The following ADGRV1 variants were observed in gnomAD, a reference collection of about 807,000 sequenced individuals.
ADGRV1 encodes the protein adhesion G protein-coupled receptor V1, also known as G-protein coupled receptor 98.
ADGRV1 carries 359 observed loss-of-function variants against 596.2 expected under a neutral mutation model. The observed-to-expected ratio is 0.60, with a 90% CI of 0.55 to 0.66. The LOEUF is 0.66. Among genes scored for constraint, ADGRV1 ranks in the 30% least tolerant of loss-of-function variants. The pLI, the probability that ADGRV1 is intolerant of heterozygous loss-of-function variation, is 0.00. For missense variants in ADGRV1, 7,274 were observed against 7,575.6 expected, an observed-to-expected ratio of 0.96 and a Z score of 1.48; for synonymous variants, 2,681 against 2,679.2, an observed-to-expected ratio of 1.00 and a Z score of -0.02.
At chr5:91,143,234 C>T (rs908748493) in intron 87 of ADGRV1, among the ~76,000 whole-genome samples, 2 of 152,194 alleles carry the variant, frequency 1.3e-5, no homozygotes, top group Non-Finnish European at 2.9e-5. Context: ...GCTTGGGGCA[C>T]TCCTAGGTCT....
chr5:90,560,517 A>G (rs1754676632), intron 1 of ADGRV1, among the ~76,000 whole-genome samples: 1 of 152,222 alleles, frequency 6.6e-6, no homozygotes, highest in Admixed American at 6.5e-5. Context: ...CCAGAGTTCC[A>G]GTTTATAAGA....
intron 70 of ADGRV1, among the ~76,000 whole-genome samples, chr5:90,794,575 C>T (rs1760457855): frequency 6.6e-6 from 1 of 152,052 alleles, no homozygotes; most frequent in Admixed American, 6.5e-5. Context: ...TATGAACAGC[C>T]AGTTATAAGA....
At chr5:90,971,368 C>T (rs913136917) in intron 84 of ADGRV1, among the ~76,000 whole-genome samples, 43 of 152,138 alleles carry the variant, frequency 2.8e-4, no homozygotes, top group Admixed American at 1.6e-3. Flanking sequence ...AGATATTCCT[C>T]GAGAAAAGCA....
At chr5:90,719,879 C>A (rs1181544271) in intron 43 of ADGRV1, among the ~76,000 whole-genome samples, 169 bp from the exon 44 acceptor site, 1 of 152,140 alleles carries the variant, frequency 6.6e-6, no homozygotes, top group African/African-American at 2.4e-5. Context: ...AAAGTAGTAA[C>A]CTGAAACAGA....
intron 38 of ADGRV1, among the ~76,000 whole-genome samples, chr5:90,706,656 C>T (rs991322063): frequency 1.3e-5 from 2 of 151,138 alleles, no homozygotes; most frequent in African/African-American, 4.9e-5. Context: ...TTTAGTAAGA[C>T]ACTTCTAGTA....
Position 90,790,888 on chromosome 5 carries a change from A to C in ADGRV1, c.14059A>C (p.Ser4687Arg). 1.2e-6 allele frequency: 2 copies of C among 1,606,366 alleles called. No homozygotes were observed. The highest frequency in any genetic ancestry group is 1.7e-6 in the Non-Finnish European group (2 of 1,176,400). Reference protein sequence around the residue: ...FGEIMVYWELSSEFDITEDFL... With the variant: ...FGEIMVYWELRSEFDITEDFL... ...TTTATTTTAGGTTTACTGGGAATTA[A>C]GTAGTGAGTTTGACATTACTGAAGA... The change falls in exon 70 of 90, where the codon AGT becomes CGT. Residue 4687 changes from serine (S) to arginine (R), a missense_variant. Physicochemically the swap from Ser to Arg is moderately radical, Grantham distance 110. This residue lies in a region of ADGRV1 where 1,874 missense variants were observed against 1,970.2 expected (regional missense o/e 0.95). Transcript: ENST00000405460.
intron 21 of ADGRV1, among the ~76,000 whole-genome samples, chr5:90,664,965 A>G (rs1280914275): frequency 6.6e-6 from 1 of 152,046 alleles, no homozygotes; most frequent in Non-Finnish European, 1.5e-5. Flanking sequence ...GATGAAGCCC[A>G]CTTGATCATG....
In ADGRV1 at chr5:90,673,355, G is replaced by A. The variant is rs995345172; in HGVS notation, c.4929+633G>A. ...CTCTACCTGTTGTTGGTAATACCACGGTCTTTGGTACAAAAAATATATGAT... is the reference window on the plus strand; with the variant it reads ...CTCTACCTGTTGTTGGTAATACCACAGTCTTTGGTACAAAAAATATATGAT... On this transcript the variant is annotated intron_variant, in intron 22 of 89. Coordinates refer to ENST00000405460, the MANE Select transcript of ADGRV1 (RefSeq NM_032119.4). Among the ~76,000 whole-genome samples the A allele has an allele frequency of 1.1e-4, 16 of 152,098 alleles. No homozygotes were observed. In the East Asian group the frequency reaches 3.1e-3, roughly 29 times the overall value.
intron 1 of ADGRV1, among the ~76,000 whole-genome samples, chr5:90,600,401 A>G (rs1246033429): frequency 6.6e-6 from 1 of 152,028 alleles, no homozygotes; most frequent in African/African-American, 2.4e-5. Flanking sequence ...GAGAACATGC[A>G]GTGTTTGGTT....
intron 85 of ADGRV1, among the ~76,000 whole-genome samples, chr5:91,049,378 A>G (rs959583280): frequency 9.2e-5 from 14 of 152,216 alleles, no homozygotes; most frequent in African/African-American, 3.4e-4. Context: ...TTCTTTTGAA[A>G]TAGTTAAGTC....
At chr5:90,988,154 C>G (rs1213441810) in intron 85 of ADGRV1, among the ~76,000 whole-genome samples, 1 of 152,172 alleles carries the variant, frequency 6.6e-6, no homozygotes, top group Non-Finnish European at 1.5e-5. Context: ...TGTTGGCTGC[C>G]TCAACAGCTT....
At chr5:91,109,312 C>G (rs1003678168) in intron 87 of ADGRV1, among the ~76,000 whole-genome samples, 2 of 152,056 alleles carry the variant, frequency 1.3e-5, no homozygotes, top group Non-Finnish European at 2.9e-5. Context: ...TGAAAATGCC[C>G]TTTCAGTTTA....
intron 7 of ADGRV1, chr5:90,628,071 C>T (rs988154478): frequency 6.4e-5 from 12 of 188,414 alleles, no homozygotes; most frequent in Non-Finnish European, 9.6e-5. Flanking sequence ...GACACATTCA[C>T]ATATCTACAC....
intron 87 of ADGRV1, among the ~76,000 whole-genome samples, chr5:91,116,087 T>C (rs2126720797): frequency 6.6e-6 from 1 of 152,282 alleles, no homozygotes; most frequent in East Asian, 1.9e-4. Context: ...ACTACAGTTC[T>C]ACTGAAAAAA....
intron 86 of ADGRV1, among the ~76,000 whole-genome samples, chr5:91,077,083 G>T (rs573829837): frequency 6.6e-6 from 1 of 152,122 alleles, no homozygotes; most frequent in Non-Finnish European, 1.5e-5. Context: ...AGTTAAGGTG[G>T]TACTGTAAAT....
rs759997283 is a variant in ADGRV1 at position 90,783,987 on chromosome 5, C to T, written c.13583C>T (p.Ala4528Val). ...RFLNQSKISIANPNSTMILSL... is the reference protein window; with the variant it reads ...RFLNQSKISIVNPNSTMILSL... The stretch of plus-strand genomic sequence containing the variant: ...CTCAATCAAAGCAAAATTTCTATTG[C>T]TAATCCCAATTCCACAATGATTTTA... Residue 4528 changes from alanine (A) to valine (V), a missense_variant, in exon 67 of 90, where the codon GCT (alanine) becomes GTT (valine). Around this residue, in one of 5 missense-constraint regions of ADGRV1, gnomAD observed 3,643 missense variants for 3,809.2 expected, o/e 0.96. Coordinates refer to ENST00000405460, the MANE Select transcript of ADGRV1 (RefSeq NM_032119.4). 3.1e-6 allele frequency: 5 copies of T among 1,612,658 alleles called. No homozygotes were observed. The highest frequency in any genetic ancestry group is 4.2e-6 in the Non-Finnish European group (5 of 1,179,400).
At chr5:90,838,678 C>G (rs898771616) in intron 77 of ADGRV1, among the ~76,000 whole-genome samples, 2 of 152,120 alleles carry the variant, frequency 1.3e-5, no homozygotes, top group African/African-American at 4.8e-5. Flanking sequence ...TTCATCTAGG[C>G]AAGCAGCTAG....
chr5:90,810,302 CA>C lies in ADGRV1; in HGVS notation c.15043del (p.Ile5015Ter). On this transcript the variant is annotated frameshift_variant, in exon 74 of 90. Coordinates refer to ENST00000405460, the MANE Select transcript of ADGRV1 (RefSeq NM_032119.4). LOFTEE classifies it high-confidence loss of function. ...FQFSTSSRNI[I>X]VSEDTQMIRL... ...AATTTTCCACTAGCTCAAGAAATAT[CA>C]TAGTGTCAGAAGATACACAGATGAT... The C allele has an allele frequency of 6.2e-7, 1 of 1,607,404 alleles. No homozygotes were observed. Among genetic ancestry groups the C allele is most frequent in the Non-Finnish European group, 8.5e-7 (1 of 1,176,608 alleles).
chr5:90,974,233 A>G (rs1779339527), intron 84 of ADGRV1, among the ~76,000 whole-genome samples: 1 of 152,248 alleles, frequency 6.6e-6, no homozygotes, highest in South Asian at 2.1e-4. Flanking sequence ...TTCCATGCTC[A>G]TGGATAGGAA....
Sources: gnomAD v4.1 joint callset for allele counts (sites outside exome capture counted in the v4.1 genomes callset) on GRCh38, gnomAD v4.1.1 for gene constraint, gnomAD v4.1.1 regional missense constraint, MANE v1.5 for transcripts, NCBI Gene and HGNC (gene_info 2026-07-23, HGNC 2026-07-21) for gene names.